Variants in N4BP1 observed in about 807,000 individuals in gnomAD.
N4BP1 encodes NEDD4 binding protein 1, also known as NEDD4-binding protein 1.
Under a neutral mutation model 70.9 loss-of-function variants are expected in N4BP1, and 21 were observed. That is an observed-to-expected ratio of 0.30 (90% confidence interval 0.21 to 0.43). The LOEUF (loss-of-function observed/expected upper bound fraction) is 0.43, where lower values mean the gene tolerates loss of function less well. Among genes scored for constraint, N4BP1 ranks in the 20% least tolerant of loss-of-function variants. The pLI is 1.00. For synonymous variants in N4BP1, 387 were observed against 394.6 expected (o/e 0.98, Z 0.23); for missense variants, 936 against 1,069.4 (o/e 0.88, Z 1.74).
intron 3 of N4BP1, among the ~76,000 whole-genome samples, chr16:48,552,071 A>T (rs1249260946): frequency 6.6e-6 from 1 of 152,168 alleles, no homozygotes; most frequent in Non-Finnish European, 1.5e-5. Context: ...GAGGGATGAT[A>T]AGAGACCCTG....
chr16:48,550,742 C>A, intron 4 of N4BP1, among the ~76,000 whole-genome samples: 1 of 151,838 alleles, frequency 6.6e-6, no homozygotes, highest in Non-Finnish European at 1.5e-5. Flanking sequence ...CGTCTCACTG[C>A]AACCTGCTAA....
intron 6 of N4BP1, among the ~76,000 whole-genome samples, chr16:48,545,101 A>G (rs1341235070): frequency 6.6e-6 from 1 of 151,856 alleles, no homozygotes; most frequent in African/African-American, 2.4e-5. Flanking sequence ...AGCAGCTGGG[A>G]TTACAGGCAC....
At chr16:48,556,628 GTTGTTTGCCATATTATA>G (rs1963758749) in intron 2 of N4BP1, among the ~76,000 whole-genome samples, 2 of 152,268 alleles carry the variant, frequency 1.3e-5, no homozygotes, top group South Asian at 4.1e-4. Flanking sequence ...ATATCATCTG[GTTGTTTGCCATATTATA>G]GAATGCTGGC....
chr16:48,550,132 G>A (rs751874800), intron 4 of N4BP1, among the ~76,000 whole-genome samples: 2 of 151,982 alleles, frequency 1.3e-5, no homozygotes, highest in Non-Finnish European at 2.9e-5. Flanking sequence ...AATTCTTTAG[G>A]GCAGAAGGTG....
intron 2 of N4BP1, 24 bp downstream of exon 2, chr16:48,560,730 A>G: frequency 1.3e-6 from 2 of 1,564,362 alleles, no homozygotes; most frequent in Non-Finnish European, 1.7e-6. Context: ...TTAAAATAAA[A>G]TAATCTGCAG....
rs543313223 is a variant in N4BP1 at position 48,577,842 on chromosome 16, G to A, written c.199-15398C>T. On this transcript the variant is annotated intron_variant, in intron 1 of 6. Coordinates refer to ENST00000262384, the MANE Select transcript of N4BP1 (RefSeq NM_153029.4). ...GGATGAGGCGCACAAGCACAGAGCT[G>A]CAGTGGCCTGTCACCTTGCAAGGGA... The A allele has an allele frequency of 2.9e-4, 46 of 157,504 alleles. No homozygotes were observed. In the South Asian group the frequency reaches 3.7e-3, roughly 13 times the overall value. 9.8% of individuals were successfully genotyped at this position (157,504 alleles called of 1,614,324 possible). A position where few individuals can be genotyped will look rare whatever the true frequency, so the allele number is the denominator to read the frequency against.
Position 48,610,051 on chromosome 16 carries a change from C to T in N4BP1, c.-79G>A. 1 of 881,178 alleles carries T rather than the reference C, an allele frequency of 1.1e-6. No homozygotes were observed. Among genetic ancestry groups the T allele is most frequent in the Non-Finnish European group, 1.4e-6 (1 of 723,300 alleles). 54.6% of individuals were successfully genotyped at this position (881,178 alleles called of 1,614,324 possible). ...TCAGCTTGCTGCCGCTGCTCCCAAGCCAGTCAGGCGGCGTCGGCCCTTCCC... is the reference window on the plus strand; with the variant it reads ...TCAGCTTGCTGCCGCTGCTCCCAAGTCAGTCAGGCGGCGTCGGCCCTTCCC... On this transcript the variant is annotated 5_prime_UTR_variant, in exon 1 of 7. Transcript: ENST00000262384.
In N4BP1 at chr16:48,600,229, G is replaced by T. The variant is rs563447451; in HGVS notation, c.198+9546C>A. ...CCTGGCCACGGCATGATGTTCATCC[G>T]CAACGACTGAAAGGTGTTCAGATTT... On this transcript the variant is annotated intron_variant, in intron 1 of 6. Coordinates refer to ENST00000262384, the MANE Select transcript of N4BP1 (RefSeq NM_153029.4). 3.9e-5 allele frequency: 31 copies of T among 798,788 alleles called. No individual in the cohort carries two copies. In the African/African-American group the frequency reaches 3.9e-4, roughly 10 times the overall value. The allele number at this position is 798,788 out of a possible 1,614,324, so 49.5% of individuals were successfully genotyped here.
At chr16:48,595,358 G>A (rs990736468) in intron 1 of N4BP1, among the ~76,000 whole-genome samples, 2 of 147,484 alleles carry the variant, frequency 1.4e-5, no homozygotes, top group Admixed American at 7.0e-5. Context: ...AGCTACTAGG[G>A]AGGCAGGAGA....
At chr16:48,573,525 G>A (rs1463692932) in intron 1 of N4BP1, among the ~76,000 whole-genome samples, 2 of 152,024 alleles carry the variant, frequency 1.3e-5, no homozygotes, top group East Asian at 1.9e-4. Context: ...CCTGGGAGGC[G>A]GAGGTTGCAG....
intron 4 of N4BP1, among the ~76,000 whole-genome samples, chr16:48,548,477 C>T (rs111304507): frequency 2.0e-5 from 3 of 152,296 alleles, no homozygotes; most frequent in African/African-American, 7.2e-5. Flanking sequence ...ATTTAAGTTA[C>T]TGAGCAACAG....
intron 1 of N4BP1, among the ~76,000 whole-genome samples, chr16:48,565,450 T>C (rs146338200): frequency 3.9e-5 from 6 of 152,354 alleles, no homozygotes; most frequent in East Asian, 3.9e-4. Flanking sequence ...GTTGGTTACA[T>C]TGACTTCTGA....
intron 1 of N4BP1, among the ~76,000 whole-genome samples, chr16:48,593,276 A>T (rs184373724): frequency 6.6e-6 from 1 of 152,350 alleles, no homozygotes; most frequent in Admixed American, 6.5e-5. Flanking sequence ...TTTTTCACCG[A>T]AAGTAAAAGT....
chr16:48,556,732 C>T (rs1196462625), intron 2 of N4BP1, among the ~76,000 whole-genome samples: 1 of 152,144 alleles, frequency 6.6e-6, no homozygotes, highest in Non-Finnish European at 1.5e-5. Context: ...GCCATAGCAC[C>T]AGACAGGGCA....
At position 48,561,658 on chromosome 16, in the gene N4BP1, C is replaced by A. The variant is rs760513551; in HGVS notation, c.985G>T (p.Ala329Ser). 3 of 1,613,268 alleles carry A rather than the reference C, an allele frequency of 1.9e-6. No individual in the cohort carries two copies. The highest frequency in any genetic ancestry group is 2.5e-6 in the Non-Finnish European group (3 of 1,179,844). The change falls in exon 2 of 7, where the codon GCT becomes TCT. Residue 329 changes from alanine (A) to serine (S), a missense_variant. By Grantham distance (99) the Ala-to-Ser change is moderately conservative. Around this residue, in one of 4 missense-constraint regions of N4BP1, gnomAD observed 515 missense variants for 491.7 expected, o/e 1.05. Coordinates refer to ENST00000262384, the MANE Select transcript of N4BP1 (RefSeq NM_153029.4). ...NVIADLSDSS[A>S]DSENLSPDIK... is the part of the protein sequence containing the mutation. ...TCTGGACTTAAATTTTCAGAATCAG[C>A]AGAAGAATCAGATAGGTCAGCTATT... is the stretch of plus-strand genomic sequence containing the variant.
At chr16:48,582,284 A>T (rs190007038) in intron 1 of N4BP1, among the ~76,000 whole-genome samples, 122 of 152,308 alleles carry the variant, frequency 8.0e-4, no homozygotes, top group Non-Finnish European at 1.5e-3. Flanking sequence ...ATTCATAAAA[A>T]TTTTTAATTG....
At chr16:48,596,711 G>A (rs1964419179) in intron 1 of N4BP1, among the ~76,000 whole-genome samples, 1 of 152,160 alleles carries the variant, frequency 6.6e-6, no homozygotes, top group Admixed American at 6.5e-5. Context: ...TTCAGTTTAT[G>A]GTTTGACTCT....
At chr16:48,603,369 G>A (rs1332683969) in intron 1 of N4BP1, among the ~76,000 whole-genome samples, 1 of 151,492 alleles carries the variant, frequency 6.6e-6, no homozygotes, top group African/African-American at 2.4e-5. Flanking sequence ...CCTCTCGGTG[G>A]CTACTCACTG....
Position 48,561,376 on chromosome 16 carries a change from T to C in N4BP1, c.1267A>G (p.Thr423Ala). The change falls in exon 2 of 7, where the codon ACT becomes GCT. Residue 423 changes from threonine (T) to alanine (A), a missense_variant. Around this residue, in one of 4 missense-constraint regions of N4BP1, gnomAD observed 515 missense variants for 491.7 expected, o/e 1.05. Coordinates refer to ENST00000262384, the MANE Select transcript of N4BP1 (RefSeq NM_153029.4). ...GVYSSTNELTTDSTPKKTQAH... is the reference protein window; with the variant it reads ...GVYSSTNELTADSTPKKTQAH... ...TGTGTTTTCTTTGGAGTGGAATCAG[T>C]TGTAAGCTCATTTGTGCTGCTATAA... 2.5e-6 allele frequency: 4 copies of C among 1,613,994 alleles called. No homozygotes were observed. Among genetic ancestry groups the C allele is most frequent in the South Asian group, 1.1e-5 (1 of 91,086 alleles).
Sources: allele counts gnomAD v4.1 joint callset (sites outside exome capture counted in the v4.1 genomes callset), GRCh38; gene constraint gnomAD v4.1.1; regional missense constraint gnomAD v4.1.1; transcripts MANE v1.5; gene names NCBI Gene and HGNC (gene_info 2026-07-23, HGNC 2026-07-21).